CPED1: variants seen among roughly 807,000 people sequenced by gnomAD.
CPED1 encodes the protein cadherin like and PC-esterase domain containing 1.
A neutral mutation model predicts 128.2 loss-of-function variants in CPED1; 114 were observed. The ratio of observed to expected loss-of-function variants is 0.89; its 90% CI spans 0.76 to 1.04. The LOEUF is 1.04. CPED1 is among the 50% of genes least tolerant of loss of function. The pLI is 0.00. For synonymous variants in CPED1, 462 were observed against 426.7 expected (o/e 1.08, Z -1.02); for missense variants, 1,211 against 1,207.1 (o/e 1.00, Z -0.05).
intron 2 of CPED1, among the ~76,000 whole-genome samples, chr7:121,011,169 G>T (rs1342860182): frequency 2.0e-5 from 3 of 151,744 alleles, no homozygotes; most frequent in African/African-American, 7.3e-5. Flanking sequence ...TAAATACATG[G>T]CTACTTTAAT....
intron 22 of CPED1, among the ~76,000 whole-genome samples, chr7:121,275,311 A>G (rs936252215): frequency 2.0e-5 from 3 of 152,082 alleles, no homozygotes; most frequent in African/African-American, 4.8e-5. Flanking sequence ...GTGTGCATCA[A>G]TTTTGACTAA....
intron 6 of CPED1, among the ~76,000 whole-genome samples, chr7:121,098,782 A>AT (rs1794765553): frequency 6.0e-5 from 7 of 116,122 alleles, no homozygotes; most frequent in Non-Finnish European, 1.3e-4. Context: ...ATATATATAA[A>AT]AATATATAAA....
intron 22 of CPED1, among the ~76,000 whole-genome samples, chr7:121,283,876 C>T (rs937137603): frequency 3.9e-5 from 6 of 152,178 alleles, no homozygotes; most frequent in Admixed American, 3.9e-4. Context: ...TGTGTATTCT[C>T]AGTTGGTGGG....
At chr7:121,083,350 G>T (rs1475910461) in intron 5 of CPED1, among the ~76,000 whole-genome samples, 2 of 152,104 alleles carry the variant, frequency 1.3e-5, no homozygotes, top group Non-Finnish European at 2.9e-5. Flanking sequence ...CCCACATGGG[G>T]CACTTGGAAG....
intron 2 of CPED1, among the ~76,000 whole-genome samples, chr7:121,001,609 G>T (rs887356729): frequency 3.3e-5 from 5 of 152,088 alleles, no homozygotes; most frequent in African/African-American, 1.2e-4. Context: ...TTAGGGTGGT[G>T]GTGCAGACTT....
chr7:121,019,458 T>C (rs1792383299), intron 3 of CPED1, among the ~76,000 whole-genome samples: 1 of 152,024 alleles, frequency 6.6e-6, no homozygotes, highest in African/African-American at 2.4e-5. Context: ...ATTTTACATG[T>C]TAAAAACAGC....
chr7:121,023,863 AGTAAAG>A (rs1203022238), intron 3 of CPED1, among the ~76,000 whole-genome samples: 1 of 152,180 alleles, frequency 6.6e-6, no homozygotes, highest in African/African-American at 2.4e-5. Flanking sequence ...AAGACAAAAG[AGTAAAG>A]GTCACATTTA....
In CPED1 at chr7:121,295,825, T is replaced by C. The variant is rs1584662075; in HGVS notation, c.*173T>C. 4.1e-5 allele frequency: 22 copies of C among 541,876 alleles called. No homozygotes were observed. The East Asian group carries it at 6.7e-4, about 16-fold the overall frequency. 33.6% of individuals were successfully genotyped at this position (541,876 alleles called of 1,614,324 possible). On this transcript the variant is annotated 3_prime_UTR_variant, in exon 23 of 23. Transcript: ENST00000310396. ...CACAGTTAAATAATGATAACACTTC[T>C]TACAGCTTTATGAATTCAAGATGTG...
chr7:121,139,075 T>G (rs548735784), intron 14 of CPED1, among the ~76,000 whole-genome samples: 32 of 152,202 alleles, frequency 2.1e-4, no homozygotes, highest in African/African-American at 7.7e-4. Flanking sequence ...CATTCTTTTT[T>G]CTTTTTTATT....
At chr7:121,119,262 C>T (rs1413622873) in intron 7 of CPED1, among the ~76,000 whole-genome samples, 4 of 144,124 alleles carry the variant, frequency 2.8e-5, no homozygotes, top group Admixed American at 7.1e-5. Context: ...GATGGAGTCT[C>T]GCTGTCTCTC....
chr7:121,154,590 G>A (rs868382738), intron 16 of CPED1, among the ~76,000 whole-genome samples: 7 of 151,452 alleles, frequency 4.6e-5, no homozygotes, highest in Admixed American at 1.3e-4. Context: ...TCTGTTGCCA[G>A]GCTGTAGTTC....
At chr7:121,068,097 G>T (rs1793890639) in intron 5 of CPED1, among the ~76,000 whole-genome samples, 1 of 152,180 alleles carries the variant, frequency 6.6e-6, no homozygotes, top group Admixed American at 6.5e-5. Context: ...TTCTTTTGCT[G>T]TACAGAAGCT....
chr7:121,151,706 G>C (rs192767269), intron 16 of CPED1, among the ~76,000 whole-genome samples: 2 of 152,308 alleles, frequency 1.3e-5, no homozygotes. Context: ...TGAAAACCCA[G>C]AGAAATTGAA....
chr7:121,020,476 G>A (rs1484851802), intron 3 of CPED1, among the ~76,000 whole-genome samples: 1 of 151,802 alleles, frequency 6.6e-6, no homozygotes. Context: ...TTTATTATTA[G>A]GTCCTTTACA....
intron 22 of CPED1, among the ~76,000 whole-genome samples, chr7:121,274,907 A>G (rs1040724685): frequency 6.6e-6 from 1 of 152,154 alleles, no homozygotes; most frequent in Admixed American, 6.5e-5. Flanking sequence ...GTTAAAGGGC[A>G]AAAATTCTGC....
chr7:121,107,099 T>C (rs1192939470), intron 7 of CPED1, among the ~76,000 whole-genome samples: 1 of 152,138 alleles, frequency 6.6e-6, no homozygotes, highest in East Asian at 1.9e-4. Flanking sequence ...CTTTCTTCAC[T>C]ACCCTCATGC....
At chr7:121,119,163 G>A (rs1367263015) in intron 7 of CPED1, among the ~76,000 whole-genome samples, 1 of 150,568 alleles carries the variant, frequency 6.6e-6, no homozygotes, top group East Asian at 1.9e-4. Context: ...AGAGCCATAC[G>A]GTCACTGAAA....
At position 121,046,928 on chromosome 7, in the gene CPED1, A is replaced by G; in HGVS notation, c.475A>G (p.Lys159Glu). Reference sequence around the variant, plus strand: ...GGATCTGCTCATTTGCCTGTCTTCTAAGAAAGCAGAAGGAACACCCTGTAT... The same window carrying G: ...GGATCTGCTCATTTGCCTGTCTTCTGAGAAAGCAGAAGGAACACCCTGTAT... ...SWDLLICLSS[K>E]KAEGTPCISK... Residue 159 changes from lysine to glutamate, a missense_variant, in exon 4 of 23, where the codon AAG becomes GAG. Physicochemically the swap from Lys to Glu is moderately conservative, Grantham distance 56. Coordinates refer to ENST00000310396, the MANE Select transcript of CPED1 (RefSeq NM_024913.5). The G allele has an allele frequency of 6.2e-7, 1 of 1,612,792 alleles. No individual in the cohort carries two copies. Among genetic ancestry groups the G allele is most frequent in the Non-Finnish European group, 8.5e-7 (1 of 1,179,156 alleles).
At chr7:121,026,654 G>A (rs1362652609) in intron 3 of CPED1, among the ~76,000 whole-genome samples, 7 of 125,774 alleles carry the variant, frequency 5.6e-5, no homozygotes, top group African/African-American at 2.0e-4. Flanking sequence ...GACAGACCAG[G>A]ACATCATTAT....
Sources: allele counts gnomAD v4.1 joint callset (sites outside exome capture counted in the v4.1 genomes callset), GRCh38; gene constraint gnomAD v4.1.1; transcripts MANE v1.5; gene names NCBI Gene and HGNC (gene_info 2026-07-23, HGNC 2026-07-21).